Variants in ANKRD55 observed in about 807,000 individuals in gnomAD.
ANKRD55 encodes ankyrin repeat domain 55, also known as ankyrin repeat domain-containing protein 55.
In ANKRD55, 41 loss-of-function variants were observed where a neutral mutation model predicts 60.6. The ratio of observed to expected loss-of-function variants is 0.68; its 90% CI spans 0.53 to 0.88. ANKRD55 has a LOEUF of 0.88. Ranked by LOEUF, ANKRD55 falls within the 40% of genes least tolerant of loss-of-function variation. ANKRD55 has a pLI of 0.00. For synonymous variants in ANKRD55, 264 were observed against 290.3 expected (o/e 0.91, Z 0.92); for missense variants, 732 against 767.6 (o/e 0.95, Z 0.55).
At chr5:56,110,360 C>A (rs1756645687) in intron 10 of ANKRD55, among the ~76,000 whole-genome samples, 1 of 152,140 alleles carries the variant, frequency 6.6e-6, no homozygotes, top group African/African-American at 2.4e-5. Flanking sequence ...GATTGTGCCA[C>A]TGCACTCTAG....
chr5:56,192,524 G>C (rs1759123932), intron 2 of ANKRD55: 1 of 315,684 alleles, frequency 3.2e-6, no homozygotes, highest in East Asian at 6.8e-5. Flanking sequence ...AGCCACGGCC[G>C]ATGACAGAAA....
At chr5:56,182,205 A>C (rs929220483) in intron 3 of ANKRD55, among the ~76,000 whole-genome samples, 1 of 152,172 alleles carries the variant, frequency 6.6e-6, no homozygotes, top group Non-Finnish European at 1.5e-5. Flanking sequence ...TCTCTGGTGA[A>C]ATAATCTAGT....
chr5:56,100,607 A>C (rs1212371968), intron 11 of ANKRD55, among the ~76,000 whole-genome samples: 2 of 152,200 alleles, frequency 1.3e-5, no homozygotes, highest in Non-Finnish European at 2.9e-5. Flanking sequence ...GTTGATGTTC[A>C]AAAACTGCTC....
chr5:56,104,814 T>C (rs1051513148), intron 10 of ANKRD55, among the ~76,000 whole-genome samples: 6 of 152,016 alleles, frequency 3.9e-5, no homozygotes, highest in African/African-American at 1.4e-4. Flanking sequence ...CAGGTAAACA[T>C]ATGGTTTTGA....
intron 5 of ANKRD55, chr5:56,162,112 G>C (rs72767234): frequency 0.049 from 42,550 of 863,882 alleles, 1,171 homozygotes; most frequent in East Asian, 0.096. Context: ...CAGGAGGTCA[G>C]CTGTGGTCCA....
intron 7 of ANKRD55, among the ~76,000 whole-genome samples, chr5:56,138,188 C>T (rs554667402): frequency 9.8e-5 from 14 of 143,438 alleles, no homozygotes; most frequent in Non-Finnish European, 1.5e-4. Context: ...AGTGCAATGG[C>T]GCAATCTTGG....
intron 5 of ANKRD55, among the ~76,000 whole-genome samples, chr5:56,166,337 A>C (rs543232800): frequency 6.6e-6 from 1 of 151,186 alleles, no homozygotes; most frequent in South Asian, 2.1e-4. Context: ...AGCTCACCGC[A>C]GCCTCGAACT....
intron 2 of ANKRD55, among the ~76,000 whole-genome samples, chr5:56,199,889 T>TAA (rs1759324440): frequency 7.7e-6 from 1 of 129,852 alleles, no homozygotes. Context: ...AGACTCTGTC[T>TAA]CAAAAAAAAA....
chr5:56,188,305 T>G (rs536484178), intron 2 of ANKRD55, among the ~76,000 whole-genome samples: 52 of 151,946 alleles, frequency 3.4e-4, no homozygotes, highest in African/African-American at 1.2e-3. Context: ...ATCTTTCTCT[T>G]ACCAGAGAAA....
At chr5:56,104,722 T>C (rs994751193) in intron 10 of ANKRD55, among the ~76,000 whole-genome samples, 2 of 152,190 alleles carry the variant, frequency 1.3e-5, no homozygotes, top group African/African-American at 4.8e-5. Flanking sequence ...CATTGAGCAC[T>C]CATCATATTC....
chr5:56,156,491 TG>T (rs1285978945), intron 6 of ANKRD55, among the ~76,000 whole-genome samples: 1 of 152,238 alleles, frequency 6.6e-6, no homozygotes, highest in Admixed American at 6.5e-5. Flanking sequence ...ATGTCTTTGC[TG>T]GGGGGTTGCT....
At chr5:56,221,532 C>T (rs1401566771) in intron 2 of ANKRD55, among the ~76,000 whole-genome samples, 5 of 152,278 alleles carry the variant, frequency 3.3e-5, no homozygotes, top group African/African-American at 7.2e-5. Context: ...GAGCATGAGC[C>T]GAAGCAGGGT....
chr5:56,194,092 TGGATCACGAGGTCAGGA>T (rs1207915124), intron 2 of ANKRD55, among the ~76,000 whole-genome samples: 4 of 151,894 alleles, frequency 2.6e-5, no homozygotes, highest in Admixed American at 6.6e-5. Context: ...CCAAAGCAGG[TGGATCACGAGGTCAGGA>T]GATTGAGACC....
chr5:56,135,725 A>G (rs539116383), intron 7 of ANKRD55, among the ~76,000 whole-genome samples: 1 of 152,270 alleles, frequency 6.6e-6, no homozygotes, highest in South Asian at 2.1e-4. Context: ...TAAGACAAGA[A>G]CAGGAAATAA....
intron 4 of ANKRD55, among the ~76,000 whole-genome samples, chr5:56,171,814 A>G (rs1758615329): frequency 6.6e-6 from 1 of 152,162 alleles, no homozygotes; most frequent in Non-Finnish European, 1.5e-5. Context: ...CCTTATACTG[A>G]AAGCAATAAA....
chr5:56,228,418 C>G (rs1432699015), intron 2 of ANKRD55, among the ~76,000 whole-genome samples: 1 of 151,612 alleles, frequency 6.6e-6, no homozygotes, highest in Non-Finnish European at 1.5e-5. Flanking sequence ...GGAGAAGGCC[C>G]CCAGCTGACT....
At chr5:56,159,219 T>C (rs575925017) in intron 6 of ANKRD55, among the ~76,000 whole-genome samples, 30 of 152,304 alleles carry the variant, frequency 2.0e-4, no homozygotes, top group African/African-American at 7.2e-4. Context: ...CCCAGCACTT[T>C]GGGAGGCCGA....
chr5:56,108,462 C>G (rs1269423570), intron 10 of ANKRD55: 1 of 152,222 alleles, frequency 6.6e-6, no homozygotes, highest in East Asian at 1.9e-4. Flanking sequence ...AATGCAAACA[C>G]TACCCATGCC....
Position 56,128,659 on chromosome 5 carries a change from CG to C in ANKRD55, c.613-1554del, listed in dbSNP as rs148634827. 6.8e-3 allele frequency among the ~76,000 whole-genome samples: 1,034 copies of C among 152,302 alleles called. 5 individuals are homozygous for C. Among genetic ancestry groups the C allele is most frequent in the Non-Finnish European group, 0.011 (727 of 68,020 alleles). ...GTGACAACTGTATTTACTGTGTGATCGTCTGGGCCTGGCACCTTTCTAAGCC... is the reference window on the plus strand; with the variant it reads ...GTGACAACTGTATTTACTGTGTGATCTCTGGGCCTGGCACCTTTCTAAGCC... On this transcript the variant is annotated intron_variant, in intron 7 of 11. Coordinates refer to ENST00000341048, the MANE Select transcript of ANKRD55 (RefSeq NM_024669.3).
Sources: gnomAD v4.1 joint callset for allele counts (sites outside exome capture counted in the v4.1 genomes callset) on GRCh38, gnomAD v4.1.1 for gene constraint, MANE v1.5 for transcripts, NCBI Gene and HGNC (gene_info 2026-07-23, HGNC 2026-07-21) for gene names.